Variants in USH2A observed in about 807,000 individuals in gnomAD.
USH2A encodes Usher syndrome 2A (autosomal recessive, mild).
In USH2A, 443 loss-of-function variants were observed where a neutral mutation model predicts 538.9. That is an observed-to-expected ratio of 0.82 (90% confidence interval 0.76 to 0.89). The LOEUF is 0.89. Among genes scored for constraint, USH2A ranks in the 40% least tolerant of loss-of-function variants. USH2A has a pLI of 0.00. For missense variants in USH2A, 6,633 were observed against 6,324.8 expected (o/e 1.05, Z -1.65); for synonymous variants, 2,413 against 2,273.5 (o/e 1.06, Z -1.75).
chr1:216,209,000 TA>T (rs1203999224), intron 15 of USH2A, among the ~76,000 whole-genome samples: 1 of 152,182 alleles, frequency 6.6e-6, no homozygotes, highest in African/African-American at 2.4e-5. Flanking sequence ...GTGTTAAGCA[TA>T]AACCGTACTT....
chr1:216,070,361 C>G, intron 29 of USH2A, 69 bp from the exon 30 acceptor site: 1 of 1,412,852 alleles, frequency 7.1e-7, no homozygotes, highest in East Asian at 2.3e-5. Context: ...CTATTCTTCA[C>G]TTTTAATGGC....
At chr1:216,102,940 T>C (rs1162745762) in intron 21 of USH2A, among the ~76,000 whole-genome samples, 1 of 152,208 alleles carries the variant, frequency 6.6e-6, no homozygotes, top group Non-Finnish European at 1.5e-5. Context: ...GCAAGACCTT[T>C]CATTACACCT....
intron 69 of USH2A, among the ~76,000 whole-genome samples, chr1:215,637,586 C>A (rs573454969): frequency 6.6e-6 from 1 of 152,230 alleles, no homozygotes; most frequent in Admixed American, 6.5e-5. Flanking sequence ...GAGATCTGTT[C>A]TATCCTACCA....
At chr1:216,374,232 A>G (rs965387445) in intron 3 of USH2A, among the ~76,000 whole-genome samples, 1 of 151,876 alleles carries the variant, frequency 6.6e-6, no homozygotes, top group Non-Finnish European at 1.5e-5. Flanking sequence ...GTGCACATGT[A>G]CCCTAAAACT....
chr1:216,251,156 C>T (rs1233314602), intron 11 of USH2A, 58 bp from the exon 12 acceptor site: 4 of 1,572,814 alleles, frequency 2.5e-6, no homozygotes, highest in Middle Eastern at 2.1e-4. Context: ...AGATAATTTG[C>T]TCATTAGGTA....
chr1:216,084,605 T>G, intron 25 of USH2A, 93 bp downstream of exon 25: 2 of 1,387,704 alleles, frequency 1.4e-6, no homozygotes, highest in Non-Finnish European at 2.0e-6. Flanking sequence ...TAGGTTCATA[T>G]GAGGTCAAGT....
intron 11 of USH2A, among the ~76,000 whole-genome samples, chr1:216,266,909 G>T (rs2036483640): frequency 6.6e-6 from 1 of 151,588 alleles, no homozygotes; most frequent in Non-Finnish European, 1.5e-5. Flanking sequence ...TTGATGTGAA[G>T]ATAAAGATAA....
At chr1:216,368,055 G>C (rs1315294117) in intron 3 of USH2A, among the ~76,000 whole-genome samples, 1 of 152,108 alleles carries the variant, frequency 6.6e-6, no homozygotes, top group Non-Finnish European at 1.5e-5. Context: ...CTTCATAAGA[G>C]ATCCGAAAAC....
At chr1:215,632,363 C>T (rs1311301013) in intron 70 of USH2A, among the ~76,000 whole-genome samples, 2 of 152,208 alleles carry the variant, frequency 1.3e-5, no homozygotes, top group South Asian at 2.1e-4. Flanking sequence ...CTTAACAAGA[C>T]TCATTAAAAC....
chr1:215,936,288 G>T (rs1558170313), intron 37 of USH2A, among the ~76,000 whole-genome samples: 1 of 151,978 alleles, frequency 6.6e-6, no homozygotes, highest in Non-Finnish European at 1.5e-5. Context: ...AAGTGATCTT[G>T]CATCGTATAG....
In USH2A at chr1:216,004,483, G is replaced by T. The variant is rs187772586; in HGVS notation, c.6326-3921C>A. On this transcript the variant is annotated intron_variant, in intron 32 of 71. Transcript: ENST00000307340. Reference sequence around the variant, plus strand: ...ATGAGAATTAAAAATCGGCCATCGGGTATAACAATATGGCAGTCATCAGTA... The same window carrying T: ...ATGAGAATTAAAAATCGGCCATCGGTTATAACAATATGGCAGTCATCAGTA... Among the ~76,000 whole-genome samples the T allele has an allele frequency of 8.8e-4, 134 of 152,240 alleles. 2 individuals are homozygous for T. The highest frequency in any genetic ancestry group is 3.4e-3 in the Middle Eastern group (1 of 294).
At chr1:216,340,681 G>C (rs1309659953) in intron 4 of USH2A, among the ~76,000 whole-genome samples, 1 of 152,072 alleles carries the variant, frequency 6.6e-6, no homozygotes, top group Non-Finnish European at 1.5e-5. Context: ...TGGGATGCAA[G>C]GGTGGTTCAA....
intron 21 of USH2A, among the ~76,000 whole-genome samples, chr1:216,151,225 G>A (rs2033825344): frequency 6.6e-6 from 1 of 152,100 alleles, no homozygotes; most frequent in East Asian, 1.9e-4. Flanking sequence ...ATCCCTAGGA[G>A]TCTGGGTACA....
At chr1:216,299,726 A>T (rs554778087) in intron 9 of USH2A, among the ~76,000 whole-genome samples, 114 of 152,280 alleles carry the variant, frequency 7.5e-4, no homozygotes, top group Admixed American at 2.1e-3. Flanking sequence ...ATGAGCAAAA[A>T]TCTGCAGAAA....
At chr1:215,847,007 G>T (rs1216684742) in intron 44 of USH2A, among the ~76,000 whole-genome samples, 2 of 152,154 alleles carry the variant, frequency 1.3e-5, no homozygotes, top group Admixed American at 6.5e-5. Context: ...CTATAATGTA[G>T]AGAAGCCTTT....
chr1:216,168,720 T>C (rs2034218380), intron 21 of USH2A, among the ~76,000 whole-genome samples: 1 of 152,090 alleles, frequency 6.6e-6, no homozygotes, highest in Non-Finnish European at 1.5e-5. Context: ...ATAACATCAC[T>C]GTTGGAAAAT....
rs763154327 is a variant in USH2A, at chr1:215,674,362, C to G, written c.13549G>C (p.Gly4517Arg). The G allele has an allele frequency of 1.2e-6, 2 of 1,613,912 alleles. No individual in the cohort carries two copies. Among genetic ancestry groups the G allele is most frequent in the South Asian group, 2.2e-5 (2 of 91,072 alleles). The part of the protein sequence containing the change: ...YTVTASNSQG[G>R]ILSPLVKDRT... ...TCTTTGACAAGAGGACTCAAAATAC[C>G]CCCTTGGCTGTTGCTGGCAGTTACT... The change falls in exon 63 of 72, where the codon GGT becomes CGT. Residue 4517 changes from glycine (G) to arginine (R), a missense_variant. Transcript: ENST00000307340.
At chr1:215,704,113 C>T (rs1659112769) in intron 61 of USH2A, among the ~76,000 whole-genome samples, 1 of 152,214 alleles carries the variant, frequency 6.6e-6, no homozygotes, top group Non-Finnish European at 1.5e-5. Context: ...CGACGCCCCA[C>T]CCTGCTTCTG....
intron 23 of USH2A, among the ~76,000 whole-genome samples, chr1:216,087,555 C>T (rs1469205018): frequency 3.3e-5 from 5 of 151,858 alleles, no homozygotes; most frequent in Non-Finnish European, 4.4e-5. Context: ...CAGACAGTGT[C>T]TTTGTAGACT....
Sources: gnomAD v4.1 joint callset for allele counts (sites outside exome capture counted in the v4.1 genomes callset) on GRCh38, gnomAD v4.1.1 for gene constraint, MANE v1.5 for transcripts, NCBI Gene and HGNC (gene_info 2026-07-23, HGNC 2026-07-21) for gene names.